NDUFAF2: variants seen among roughly 807,000 people sequenced by gnomAD.
NDUFAF2 encodes NADH:ubiquinone oxidoreductase complex assembly factor 2.
Under a neutral mutation model 22.8 loss-of-function variants are expected in NDUFAF2, and 13 were observed. That is an observed-to-expected ratio of 0.57 (90% confidence interval 0.37 to 0.91). The LOEUF (loss-of-function observed/expected upper bound fraction) is 0.91. Among genes scored for constraint, NDUFAF2 ranks in the 40% least tolerant of loss-of-function variants. The pLI is 0.01. For synonymous variants in NDUFAF2, 53 were observed against 64.2 expected (o/e 0.83, Z 0.84); for missense variants, 162 against 195.2 (o/e 0.83, Z 1.01).
intron 3 of NDUFAF2, among the ~76,000 whole-genome samples, chr5:61,127,815 A>G (rs1753056483): frequency 6.6e-6 from 1 of 152,150 alleles, no homozygotes; most frequent in South Asian, 2.1e-4. Context: ...AGGAGAAAGA[A>G]ATAAAGGGTA....
At chr5:61,031,375 A>C (rs1050939681) in intron 1 of NDUFAF2, among the ~76,000 whole-genome samples, 1 of 151,742 alleles carries the variant, frequency 6.6e-6, no homozygotes, top group Non-Finnish European at 1.5e-5. Flanking sequence ...CTCATTGTTC[A>C]CCTCTCACTT....
At chr5:61,061,548 A>G (rs749912037) in intron 1 of NDUFAF2, among the ~76,000 whole-genome samples, 6 of 152,216 alleles carry the variant, frequency 3.9e-5, no homozygotes, top group Non-Finnish European at 5.9e-5. Context: ...GGTCAGAACC[A>G]TAGCTATATC....
At chr5:61,094,748 C>T (rs1752617312) in intron 2 of NDUFAF2, among the ~76,000 whole-genome samples, 1 of 152,188 alleles carries the variant, frequency 6.6e-6, no homozygotes, top group Admixed American at 6.5e-5. Context: ...GGATCCACTC[C>T]AGTCCCTAGT....
chr5:61,075,653 G>C (rs1752359740), intron 2 of NDUFAF2, among the ~76,000 whole-genome samples: 1 of 152,046 alleles, frequency 6.6e-6, no homozygotes, highest in African/African-American at 2.4e-5. Flanking sequence ...TTTTATGGCT[G>C]TCCTGATCTA....
chr5:61,050,125 A>G (rs964745027), intron 1 of NDUFAF2, among the ~76,000 whole-genome samples: 4 of 152,016 alleles, frequency 2.6e-5, no homozygotes, highest in African/African-American at 7.2e-5. Context: ...ATACTATTAT[A>G]TATATATTTT....
At chr5:61,126,251 G>A (rs1234364236) in intron 3 of NDUFAF2, among the ~76,000 whole-genome samples, 3 of 151,354 alleles carry the variant, frequency 2.0e-5, no homozygotes, top group Non-Finnish European at 4.4e-5. Context: ...CTGGATATAA[G>A]GTGAAATGTT....
intron 3 of NDUFAF2, among the ~76,000 whole-genome samples, chr5:61,127,974 A>G (rs1192128792): frequency 6.6e-6 from 1 of 152,220 alleles, no homozygotes; most frequent in Non-Finnish European, 1.5e-5. Context: ...TCAATGTGCG[A>G]AAATCACAAG....
intron 1 of NDUFAF2, among the ~76,000 whole-genome samples, chr5:61,050,151 A>G (rs1298163584): frequency 6.6e-6 from 1 of 152,108 alleles, no homozygotes; most frequent in South Asian, 2.1e-4. Context: ...AGGAACTGCC[A>G]TAATGTTTGC....
intron 1 of NDUFAF2, among the ~76,000 whole-genome samples, chr5:61,024,354 G>A (rs1487647310): frequency 6.6e-6 from 1 of 151,980 alleles, no homozygotes; most frequent in Non-Finnish European, 1.5e-5. Context: ...TTTTCTAAGT[G>A]AAAATAAGTC....
At chr5:61,051,750 T>C (rs1752027525) in intron 1 of NDUFAF2, among the ~76,000 whole-genome samples, 2 of 152,148 alleles carry the variant, frequency 1.3e-5, no homozygotes, top group African/African-American at 4.8e-5. Context: ...AGAAAGGATG[T>C]AAGATTGAAG....
At position 61,107,046 on chromosome 5, in the gene NDUFAF2, T is replaced by TACACACACACACACACACACAC. The variant is rs59521177; in HGVS notation, c.258+8038_258+8059dup. Among the ~76,000 whole-genome samples the TACACACACACACACACACACAC allele has an allele frequency of 3.5e-3, 435 of 123,998 alleles. 3 individuals are homozygous for TACACACACACACACACACACAC. Among genetic ancestry groups the TACACACACACACACACACACAC allele is most frequent in the Admixed American group, 0.013 (148 of 11,300 alleles). 81.3% of individuals were successfully genotyped at this position (123,998 alleles called of 152,430 possible). A position where few individuals can be genotyped will look rare whatever the true frequency, so the allele number is the denominator to read the frequency against. The stretch of plus-strand genomic sequence containing the variant: ...TGATTTCCTTTCCTTTGGATAAATA[T>TACACACACACACACACACACAC]ACACACACACACACACACACACACA... On this transcript the variant is annotated intron_variant, in intron 3 of 3. Coordinates refer to ENST00000296597, the MANE Select transcript of NDUFAF2 (RefSeq NM_174889.5).
intron 3 of NDUFAF2, among the ~76,000 whole-genome samples, chr5:61,138,752 A>G (rs144869791): frequency 6.6e-6 from 1 of 152,200 alleles, no homozygotes; most frequent in South Asian, 2.1e-4. Context: ...ATGCAAAGCC[A>G]TGTGTGTGGC....
intron 3 of NDUFAF2, among the ~76,000 whole-genome samples, chr5:61,107,927 T>C (rs1421687600): frequency 2.7e-5 from 4 of 150,022 alleles, no homozygotes; most frequent in African/African-American, 1.0e-4. Flanking sequence ...TTTGGTTTTT[T>C]GTTCTTGCGA....
chr5:60,986,912 A>G (rs1304594433), intron 1 of NDUFAF2, among the ~76,000 whole-genome samples: 4 of 150,880 alleles, frequency 2.7e-5, no homozygotes, highest in African/African-American at 9.8e-5. Flanking sequence ...AGCCCGGGCA[A>G]TAATAGTGTG....
chr5:61,117,314 T>C (rs1283061759), intron 3 of NDUFAF2, among the ~76,000 whole-genome samples: 1 of 152,160 alleles, frequency 6.6e-6, no homozygotes, highest in Non-Finnish European at 1.5e-5. Context: ...CTATTATTTG[T>C]CATAACAAGC....
chr5:60,973,511 T>C (rs1447915083), intron 1 of NDUFAF2, among the ~76,000 whole-genome samples: 1 of 152,170 alleles, frequency 6.6e-6, no homozygotes, highest in Non-Finnish European at 1.5e-5. Flanking sequence ...ATGCGTGAAC[T>C]GAGGGAAATT....
At chr5:61,078,356 G>A (rs1752395545) in intron 2 of NDUFAF2, among the ~76,000 whole-genome samples, 1 of 152,152 alleles carries the variant, frequency 6.6e-6, no homozygotes, top group African/African-American at 2.4e-5. Context: ...TTAAGGAAAA[G>A]GCATTTTGGG....
chr5:61,020,028 T>C (rs1751558647), intron 1 of NDUFAF2, among the ~76,000 whole-genome samples: 4 of 152,164 alleles, frequency 2.6e-5, no homozygotes. Context: ...CTAATTCTTC[T>C]TTGATCCATT....
chr5:61,080,684 G>T (rs1313939708), intron 2 of NDUFAF2, among the ~76,000 whole-genome samples: 1 of 151,788 alleles, frequency 6.6e-6, no homozygotes, highest in Admixed American at 6.6e-5. Flanking sequence ...TTTTTGCCCA[G>T]AATTTTTTTA....
Sources: allele counts gnomAD v4.1 joint callset (sites outside exome capture counted in the v4.1 genomes callset), GRCh38; gene constraint gnomAD v4.1.1; transcripts MANE v1.5; gene names NCBI Gene and HGNC (gene_info 2026-07-23, HGNC 2026-07-21).